The following NLRC3 variants were observed in gnomAD, a reference collection of about 807,000 sequenced individuals.
The protein encoded by NLRC3 is NLR family CARD domain-containing protein 3.
Under a neutral mutation model 91.6 loss-of-function variants are expected in NLRC3, and 87 were observed. That is an observed-to-expected ratio of 0.95 (90% CI 0.80 to 1.14). NLRC3 has a LOEUF of 1.14. Ranked by LOEUF, NLRC3 falls within the 50% of genes most tolerant of loss-of-function variation. NLRC3 has a pLI of 0.00. For synonymous variants in NLRC3, 694 were observed against 625.3 expected (o/e 1.11, Z -1.64); for missense variants, 1,577 against 1,418.6 (o/e 1.11, Z -1.79).
intron 2 of NLRC3, among the ~76,000 whole-genome samples, chr16:3,566,617 C>A (rs184692010): frequency 1.3e-5 from 2 of 152,112 alleles, no homozygotes; most frequent in African/African-American, 4.8e-5. Context: ...CCCAGCTACT[C>A]AGGAGGCTGA....
At position 3,563,535 on chromosome 16, in the gene NLRC3, A is replaced by G; in HGVS notation, c.1402T>C (p.Tyr468His). Residue 468 changes from tyrosine (Y) to histidine (H), a missense_variant, in exon 5 of 20, where the codon TAT (tyrosine) becomes CAT (histidine). By Grantham distance (83) the Tyr-to-His change is moderately conservative. Coordinates refer to ENST00000359128, the MANE Select transcript of NLRC3 (RefSeq NM_178844.4). ...LQEFVAAAYY[Y>H]GASRRAIFDL... ...AAGATGGCCCTCCTGGATGCGCCAT[A>G]GTAATACGCGGCTGCCACAAACTCC... 6.2e-7 allele frequency: 1 copy of G among 1,608,914 alleles called. No homozygotes were observed. Among genetic ancestry groups the G allele is most frequent in the South Asian group, 1.1e-5 (1 of 90,146 alleles).
intron 9 of NLRC3, among the ~76,000 whole-genome samples, chr16:3,553,357 C>T (rs2039110685): frequency 6.6e-6 from 1 of 152,260 alleles, no homozygotes; most frequent in Non-Finnish European, 1.5e-5. Context: ...AAGAGTCCCT[C>T]CTTCCCTGCC....
At position 3,550,515 on chromosome 16, in the gene NLRC3, T is replaced by C. The variant is rs747360262; in HGVS notation, c.2352-18A>G. The C allele has an allele frequency of 1.9e-6, 3 of 1,582,518 alleles. No homozygotes were observed. Among genetic ancestry groups the C allele is most frequent in the South Asian group, 2.2e-5 (2 of 90,452 alleles). On this transcript the variant is annotated intron_variant, in intron 10 of 19. Coordinates refer to ENST00000359128, the MANE Select transcript of NLRC3 (RefSeq NM_178844.4). ...TGGAGAACCTGCAAGAGAAGGGATA[T>C]GGATGAGCCAGCCTCTGGGAGCTGC...
intron 15 of NLRC3, 104 bp downstream of exon 15, chr16:3,548,031 G>A: frequency 1.4e-6 from 1 of 739,888 alleles, no homozygotes; most frequent in Non-Finnish European, 2.3e-6. Context: ...GAAGAGGAGT[G>A]CCAGGGGTCA....
intron 12 of NLRC3, 135 bp from the exon 13 acceptor site, chr16:3,549,360 G>T: frequency 1.4e-6 from 1 of 710,196 alleles, no homozygotes; most frequent in Non-Finnish European, 2.4e-6. Flanking sequence ...AGTCTGGGCT[G>T]AGGTGTGAAG....
intron 8 of NLRC3, among the ~76,000 whole-genome samples, chr16:3,554,981 G>A (rs1005525407): frequency 6.6e-6 from 1 of 152,172 alleles, no homozygotes; most frequent in African/African-American, 2.4e-5. Context: ...TGTAATCCCA[G>A]CACTTTGGGA....
chr16:3,544,303 T>C lies in NLRC3; in HGVS notation c.2798A>G (p.Asp933Gly). ...LDLQENAIGD[D>G]GACAVARALK... Reference sequence around the variant, plus strand: ...TGCACGGGCCACCGCACACGCTCCGTCATCCCCGATGGCGTTCTCCTGTAA... The same window carrying C: ...TGCACGGGCCACCGCACACGCTCCGCCATCCCCGATGGCGTTCTCCTGTAA... The change falls in exon 16 of 20, where the codon GAC becomes GGC. Residue 933 changes from aspartate (D) to glycine (G), a missense_variant. By Grantham distance (94) the Asp-to-Gly change is moderately conservative (BLOSUM62 -1). Coordinates refer to ENST00000359128, the MANE Select transcript of NLRC3 (RefSeq NM_178844.4). The C allele has an allele frequency of 1.9e-6, 3 of 1,613,142 alleles. No homozygotes were observed. The highest frequency in any genetic ancestry group is 2.5e-6 in the Non-Finnish European group (3 of 1,179,240).
At position 3,563,785 on chromosome 16, in the gene NLRC3, A is replaced by G; in HGVS notation, c.1152T>C (p.Pro384=). The part of the protein sequence containing the change: ...GEGQEKGKAS[P]RIEQVAHGGR... ...CACCATGGGCCACCTGCTCGATGCG[A>G]GGGCTTGCCTTGCCCTTCTCCTGCC... is the stretch of plus-strand genomic sequence containing the variant. Residue 384 remains proline, a synonymous_variant, in exon 5 of 20, where the codon CCT becomes CCC. Transcript: ENST00000359128. 1.9e-6 allele frequency: 3 copies of G among 1,612,740 alleles called. No homozygotes were observed. Among genetic ancestry groups the G allele is most frequent in the East Asian group, 2.2e-5 (1 of 44,860 alleles).
intron 2 of NLRC3, among the ~76,000 whole-genome samples, chr16:3,567,008 T>C (rs1012662816): frequency 5.3e-5 from 8 of 152,212 alleles, no homozygotes; most frequent in Non-Finnish European, 1.0e-4. Flanking sequence ...TTTCTTACTA[T>C]GTTCCTGGGG....
intron 8 of NLRC3, among the ~76,000 whole-genome samples, chr16:3,554,708 C>A (rs1640470947): frequency 6.6e-6 from 1 of 152,166 alleles, no homozygotes; most frequent in Admixed American, 6.5e-5. Flanking sequence ...TATGGTCTGG[C>A]AGGTCCTTAA....
intron 15 of NLRC3, chr16:3,545,818 C>G (rs553140100): frequency 6.6e-6 from 1 of 152,300 alleles, no homozygotes; most frequent in African/African-American, 2.4e-5. Context: ...CAGGGAGGGA[C>G]AAAGGAAGCA....
intron 14 of NLRC3, among the ~76,000 whole-genome samples, 195 bp downstream of exon 14, chr16:3,548,475 A>AAC (rs2038814293): frequency 6.6e-6 from 1 of 152,214 alleles, no homozygotes; most frequent in Admixed American, 6.5e-5. Flanking sequence ...ACCACCTCTT[A>AAC]ACACATGTCT....
At chr16:3,566,059 CAA>C (rs2039869414) in intron 2 of NLRC3, among the ~76,000 whole-genome samples, 1 of 62,102 alleles carries the variant, frequency 1.6e-5, no homozygotes, top group Non-Finnish European at 3.1e-5. Context: ...CAAAATAAAA[CAA>C]AAAACTTAAC....
In NLRC3 at chr16:3,563,971, C is replaced by A; in HGVS notation, c.966G>T (p.Leu322=). The A allele has an allele frequency of 1.9e-6, 3 of 1,603,700 alleles. No individual in the cohort carries two copies. The highest frequency in any genetic ancestry group is 2.5e-6 in the Non-Finnish European group (3 of 1,177,818). The change falls in exon 5 of 20, where the codon CTG becomes CTT. Residue 322 remains leucine (L), a synonymous_variant. Transcript: ENST00000359128. ...AGGCTGGGACGGTGCACATCAGGTACAGGGCCCTGTCAGCCTGCACTTGGC... is the reference window on the plus strand; with the variant it reads ...AGGCTGGGACGGTGCACATCAGGTAAAGGGCCCTGTCAGCCTGCACTTGGC... ...MLSQVQADRA[L]YLMCTVPAFC...
intron 6 of NLRC3, among the ~76,000 whole-genome samples, chr16:3,559,970 C>T (rs1353311057): frequency 6.6e-6 from 1 of 152,020 alleles, no homozygotes; most frequent in Non-Finnish European, 1.5e-5. Context: ...CCATTTTTAC[C>T]CTCTTAAGGC....
chr16:3,567,630 G>A (rs1194353950), intron 1 of NLRC3, among the ~76,000 whole-genome samples: 1 of 151,752 alleles, frequency 6.6e-6, no homozygotes, highest in Non-Finnish European at 1.5e-5. Flanking sequence ...AAATGAGCTG[G>A]GCATGGTGGT....
Position 3,541,813 on chromosome 16 carries a change from C to G in NLRC3, c.*12G>C. 2.5e-6 allele frequency: 4 copies of G among 1,575,206 alleles called. No homozygotes were observed. The highest frequency in any genetic ancestry group is 3.5e-6 in the Non-Finnish European group (4 of 1,146,162). On this transcript the variant is annotated 3_prime_UTR_variant, in exon 20 of 20. Transcript: ENST00000359128. ...TGAGCATCTGCCCATTCTCCTGATC[C>G]GTCCACCAGGATCACATTTCAACAG... is the stretch of plus-strand genomic sequence containing the variant.
intron 1 of NLRC3, 102 bp from the exon 2 acceptor site, chr16:3,567,426 G>A (rs1486217287): frequency 6.6e-6 from 1 of 152,230 alleles, no homozygotes; most frequent in African/African-American, 2.4e-5. Flanking sequence ...ACTGCATAGA[G>A]AAGCAGGTTG....
rs1230107123 is a variant in NLRC3, at chr16:3,568,083, C to G, written c.-168-759G>C. Among the ~76,000 whole-genome samples the G allele has an allele frequency of 3.3e-5, 5 of 152,240 alleles. No individual in the cohort carries two copies. In the East Asian group the frequency reaches 7.8e-4, roughly 24 times the overall value. ...GTTTCACCTTGCTCACCGGGCTGGT[C>G]TTGAACTCTTGACCTTGTGATCTGC... On this transcript the variant is annotated intron_variant, in intron 1 of 19. Transcript: ENST00000359128.
Sources: allele counts gnomAD v4.1 joint callset (sites outside exome capture counted in the v4.1 genomes callset), GRCh38; gene constraint gnomAD v4.1.1; transcripts MANE v1.5; gene names NCBI Gene and HGNC (gene_info 2026-07-23, HGNC 2026-07-21).